ZNF428: variants seen among roughly 807,000 people sequenced by gnomAD.
ZNF428 encodes the protein zinc finger protein 428, also known as enzyme-like protein PIT13.
Under a neutral mutation model 15.6 loss-of-function variants are expected in ZNF428, and 5 were observed. The observed-to-expected ratio is 0.32, with a 90% CI of 0.17 to 0.67. The LOEUF (loss-of-function observed/expected upper bound fraction) is 0.67. Ranked by LOEUF, ZNF428 falls within the 30% of genes least tolerant of loss-of-function variation. The pLI, the probability that ZNF428 is intolerant of heterozygous loss-of-function variation, is 0.73. For synonymous variants in ZNF428, 97 were observed against 102.2 expected (o/e 0.95, Z 0.31); for missense variants, 237 against 256.0 (o/e 0.93, Z 0.51).
At position 43,609,046 on chromosome 19, in the gene ZNF428, A is replaced by C. The variant is rs578130720; in HGVS notation, c.77-939T>G. Among the ~76,000 whole-genome samples the C allele has an allele frequency of 4.6e-5, 7 of 152,266 alleles. No individual in the cohort carries two copies. In the East Asian group the frequency reaches 1.3e-3, roughly 29 times the overall value. ...AGGCATTTAGGAAGGACAAAGCCGG[A>C]GTAGTAAAAACCCACCAGTAACAAC... On this transcript the variant is annotated intron_variant, in intron 2 of 2. Transcript: ENST00000300811.
At chr19:43,615,775 T>C (rs557929058) in intron 1 of ZNF428, among the ~76,000 whole-genome samples, 40 of 152,200 alleles carry the variant, frequency 2.6e-4, no homozygotes, top group Non-Finnish European at 5.3e-4. Flanking sequence ...TTATAGAGGA[T>C]ATTGCAAAGA....
At chr19:43,611,325 A>AT (rs768244487) in intron 2 of ZNF428, among the ~76,000 whole-genome samples, 4,247 of 140,182 alleles carry the variant, frequency 0.03, 93 homozygotes, top group Non-Finnish European at 0.049. Context: ...TGACCCGTTC[A>AT]TTTTTTTTTT....
chr19:43,614,508 A>C lies in ZNF428; in HGVS notation c.-130-74T>G, dbSNP rs1417522834. 6 of 1,353,202 alleles carry C rather than the reference A, an allele frequency of 4.4e-6. No individual in the cohort carries two copies. The African/African-American group carries it at 5.9e-5, about 13-fold the overall frequency. The allele number at this position is 1,353,202 out of a possible 1,614,324, so 83.8% of individuals were successfully genotyped here. ...ATAGCACCCATCCCCACCAAGCCCAACTGTGTGCTCACTGCTGGCATGGGG... is the reference window on the plus strand; with the variant it reads ...ATAGCACCCATCCCCACCAAGCCCACCTGTGTGCTCACTGCTGGCATGGGG... On this transcript the variant is annotated intron_variant, in intron 1 of 2. Transcript: ENST00000300811.
At chr19:43,613,098 T>G in intron 2 of ZNF428, 1 of 1,551,442 alleles carries the variant, frequency 6.4e-7, no homozygotes, top group South Asian at 1.2e-5. Flanking sequence ...CTGAGCCAGA[T>G]GGGAAGACAC....
intron 2 of ZNF428, among the ~76,000 whole-genome samples, chr19:43,611,149 G>A (rs775048455): frequency 1.3e-5 from 2 of 152,126 alleles, no homozygotes; most frequent in Non-Finnish European, 2.9e-5. Context: ...GCTGACTGCA[G>A]TCAGCTGCCC....
chr19:43,613,973 A>C (rs779775813), intron 2 of ZNF428: 2 of 1,551,758 alleles, frequency 1.3e-6, no homozygotes. Context: ...GAAAGCTCAT[A>C]GCCGATCTAG....
intron 2 of ZNF428, among the ~76,000 whole-genome samples, chr19:43,610,152 C>T (rs932549742): frequency 1.3e-5 from 2 of 151,772 alleles, no homozygotes; most frequent in African/African-American, 4.8e-5. Flanking sequence ...TTCTCAGTGA[C>T]GCCCTGGCCA....
intron 1 of ZNF428, among the ~76,000 whole-genome samples, chr19:43,617,747 G>T (rs1973386028): frequency 6.6e-6 from 1 of 152,208 alleles, no homozygotes; most frequent in South Asian, 2.1e-4. Context: ...TCACTATGTT[G>T]CGAAGGCTGC....
intron 1 of ZNF428, among the ~76,000 whole-genome samples, chr19:43,617,159 G>A (rs1029062963): frequency 2.0e-5 from 3 of 151,866 alleles, no homozygotes; most frequent in African/African-American, 4.8e-5. Context: ...ACAAACATAA[G>A]AACCTCTATA....
chr19:43,613,702 C>A (rs1189690037), intron 2 of ZNF428: 1 of 1,551,448 alleles, frequency 6.4e-7, no homozygotes, highest in Non-Finnish European at 8.7e-7. Context: ...CTAGAAGCCC[C>A]AGCAAGGAGA....
intron 2 of ZNF428, among the ~76,000 whole-genome samples, chr19:43,610,912 G>A (rs747287023): frequency 1.3e-5 from 2 of 152,054 alleles, no homozygotes; most frequent in African/African-American, 2.4e-5. Flanking sequence ...CTGAACATCC[G>A]TCCCTGCAGC....
chr19:43,613,021 C>T, intron 2 of ZNF428: 1 of 1,551,610 alleles, frequency 6.4e-7, no homozygotes, highest in Non-Finnish European at 8.7e-7. Context: ...GGACGCACAG[C>T]AGAGTGAGAA....
intron 1 of ZNF428, among the ~76,000 whole-genome samples, chr19:43,618,737 C>A (rs1600090656): frequency 6.6e-6 from 1 of 151,964 alleles, no homozygotes; most frequent in Admixed American, 6.6e-5. Flanking sequence ...ATATTTGGGA[C>A]ATACTTTTCT....
rs77010015 is a variant in ZNF428, at chr19:43,611,315, T to G, written c.76+2914A>C. Among the ~76,000 whole-genome samples the G allele has an allele frequency of 2.3e-3, 351 of 151,804 alleles. 11 individuals carry two copies. In the East Asian group the frequency reaches 0.062, roughly 27 times the overall value. On this transcript the variant is annotated intron_variant, in intron 2 of 2. Transcript: ENST00000300811. ...GGCCTCTGCTCCTCGCCCACCTGGT[T>G]GACCCGTTCATTTTTTTTTTTTTCG...
intron 2 of ZNF428, among the ~76,000 whole-genome samples, chr19:43,610,757 C>T (rs952202746): frequency 7.9e-5 from 12 of 152,148 alleles, no homozygotes; most frequent in African/African-American, 2.9e-4. Flanking sequence ...TTTTTCCCAC[C>T]ATCCTTTAGG....
At position 43,614,335 on chromosome 19, in the gene ZNF428, G is replaced by C. The variant is rs770821039; in HGVS notation, c.-31C>G. On this transcript the variant is annotated 5_prime_UTR_variant, in exon 2 of 3. Coordinates refer to ENST00000300811, the MANE Select transcript of ZNF428 (RefSeq NM_182498.4). ...GGGGAGGGGACAGGAGACAGGAGCA[G>C]AGCAGCAGCTGAGCAGCGTCCCTCC... 1 of 1,571,496 alleles carries C rather than the reference G, an allele frequency of 6.4e-7. No homozygotes were observed. The highest frequency in any genetic ancestry group is 2.2e-5 in the East Asian group (1 of 44,638).
intron 1 of ZNF428, among the ~76,000 whole-genome samples, chr19:43,618,566 C>CT (rs551668437): frequency 0.034 from 3,319 of 98,338 alleles, 147 homozygotes; most frequent in African/African-American, 0.092. Context: ...TTAATTTTTA[C>CT]TTTTTTTTTT....
In ZNF428 at chr19:43,613,617, G is replaced by T. The variant is rs149324069; in HGVS notation, c.76+612C>A. ...CCCAGCAAAGAGAGAGATCACAGAC[G>T]ATCTAGAAGCCCCAGCAAGGAGAGA... On this transcript the variant is annotated intron_variant, in intron 2 of 2. Coordinates refer to ENST00000300811, the MANE Select transcript of ZNF428 (RefSeq NM_182498.4). 13 of 1,548,520 alleles carry T rather than the reference G, an allele frequency of 8.4e-6. No individual in the cohort carries two copies. Among genetic ancestry groups the T allele is most frequent in the Non-Finnish European group, 8.7e-7 (1 of 1,145,624 alleles).
intron 2 of ZNF428, 41 bp from the exon 3 acceptor site, chr19:43,608,148 A>T: frequency 6.3e-7 from 1 of 1,577,188 alleles, no homozygotes; most frequent in Non-Finnish European, 8.6e-7. Context: ...GTATCAGAGG[A>T]AAGAGGGCTA....
Sources: gnomAD v4.1 joint callset for allele counts (sites outside exome capture counted in the v4.1 genomes callset) on GRCh38, gnomAD v4.1.1 for gene constraint, MANE v1.5 for transcripts, NCBI Gene and HGNC (gene_info 2026-07-23, HGNC 2026-07-21) for gene names.